The following MYO3A variants were observed in gnomAD, a reference collection of about 807,000 sequenced individuals.
The protein encoded by MYO3A is myosin-IIIa.
A neutral mutation model predicts 192.7 loss-of-function variants in MYO3A; 180 were observed. The observed-to-expected ratio is 0.93, with a 90% confidence interval of 0.83 to 1.06. The LOEUF is 1.06. Among genes scored for constraint, MYO3A ranks in the 50% least tolerant of loss-of-function variants. The probability of loss-of-function intolerance (pLI) is 0.00; values close to 1 mark genes in which losing one functional copy is unlikely to be tolerated. For missense variants in MYO3A, 1,896 were observed against 1,905.0 expected, an observed-to-expected ratio of 1.00 and a Z score of 0.09; for synonymous variants, 628 against 645.3, an observed-to-expected ratio of 0.97 and a Z score of 0.41.
intron 4 of MYO3A, among the ~76,000 whole-genome samples, chr10:25,984,640 G>T (rs113290102): frequency 2.0e-5 from 3 of 151,892 alleles, no homozygotes; most frequent in Admixed American, 2.0e-4. Flanking sequence ...ACCACTCCAC[G>T]TGTGTCTGTG....
chr10:26,038,376 C>T (rs1465443878), intron 10 of MYO3A, among the ~76,000 whole-genome samples: 1 of 152,116 alleles, frequency 6.6e-6, no homozygotes, highest in South Asian at 2.1e-4. Context: ...CCTTCAATTT[C>T]TTGGATCAGT....
chr10:26,107,828 C>G (rs1216694664), intron 17 of MYO3A, among the ~76,000 whole-genome samples: 1 of 152,058 alleles, frequency 6.6e-6, no homozygotes, highest in East Asian at 1.9e-4. Context: ...AAAGGCAAAA[C>G]CACAACAGCT....
At chr10:26,047,971 T>G (rs1393486537) in intron 10 of MYO3A, among the ~76,000 whole-genome samples, 1 of 152,178 alleles carries the variant, frequency 6.6e-6, no homozygotes, top group Non-Finnish European at 1.5e-5. Context: ...ACATTTTTAA[T>G]ACTCTAAATA....
chr10:25,979,789 G>A (rs1839201912), intron 4 of MYO3A, among the ~76,000 whole-genome samples: 1 of 152,070 alleles, frequency 6.6e-6, no homozygotes, highest in Non-Finnish European at 1.5e-5. Context: ...TAATTGTTGT[G>A]GGGGCCTTTC....
intron 34 of MYO3A, 120 bp from the exon 35 acceptor site, chr10:26,211,723 T>A: frequency 6.7e-7 from 1 of 1,496,420 alleles, no homozygotes; most frequent in South Asian, 1.2e-5. Context: ...ATTGTGCCTT[T>A]CCTAAATGTC....
At chr10:25,944,973 G>C (rs534173144) in intron 2 of MYO3A, among the ~76,000 whole-genome samples, 2 of 152,012 alleles carry the variant, frequency 1.3e-5, no homozygotes, top group South Asian at 4.1e-4. Context: ...AAAGTGTAAA[G>C]TTACGTCATT....
At chr10:25,946,877 CAAAAAAAAAAAAA>C (rs34045169) in intron 2 of MYO3A, among the ~76,000 whole-genome samples, 6 of 50,150 alleles carry the variant, frequency 1.2e-4, no homozygotes, top group Non-Finnish European at 1.3e-4. Context: ...GACTCCGTCT[CAAAAAAAAAAAAA>C]AAAAAAAAAA....
intron 4 of MYO3A, among the ~76,000 whole-genome samples, chr10:25,982,328 AAGGT>A (rs1446126743): frequency 6.6e-6 from 1 of 152,108 alleles, no homozygotes; most frequent in Non-Finnish European, 1.5e-5. Flanking sequence ...GCCAAAGAGG[AAGGT>A]CTTGGAAGAC....
At chr10:26,044,662 A>G (rs1843537551) in intron 10 of MYO3A, among the ~76,000 whole-genome samples, 2 of 152,200 alleles carry the variant, frequency 1.3e-5, no homozygotes, top group South Asian at 4.1e-4. Flanking sequence ...CAAAGCCTTA[A>G]TGATTGGAGG....
At chr10:26,168,031 G>T (rs1395412861) in intron 27 of MYO3A, among the ~76,000 whole-genome samples, 2 of 152,198 alleles carry the variant, frequency 1.3e-5, no homozygotes, top group Non-Finnish European at 2.9e-5. Flanking sequence ...CAAGCCTTCT[G>T]GCTCCTCCCT....
At chr10:25,937,343 T>C (rs872753) in intron 2 of MYO3A, among the ~76,000 whole-genome samples, 12,396 of 152,260 alleles carry the variant, frequency 0.081, 650 homozygotes, top group African/African-American at 0.14. Context: ...ACATTTGAGT[T>C]TGTGATTTCA....
At chr10:26,168,592 A>G in intron 27 of MYO3A, 120 bp from the exon 28 acceptor site, 1 of 1,037,908 alleles carries the variant, frequency 9.6e-7, no homozygotes, top group Non-Finnish European at 1.4e-6. Context: ...CAAAGAAGCA[A>G]AAGACAGTGA....
intron 10 of MYO3A, among the ~76,000 whole-genome samples, chr10:26,057,856 C>A (rs544200686): frequency 1.3e-5 from 2 of 152,274 alleles, no homozygotes; most frequent in Admixed American, 6.5e-5. Flanking sequence ...AAGTTCATAA[C>A]AAAATTGAGA....
intron 14 of MYO3A, 101 bp from the exon 15 acceptor site, chr10:26,088,101 AT>A (rs1424231328): frequency 2.2e-6 from 2 of 922,120 alleles, no homozygotes; most frequent in African/African-American, 3.4e-5. Flanking sequence ...ATGCTTTTGT[AT>A]GTTTATATCT....
At position 26,017,999 on chromosome 10, in the gene MYO3A, A is replaced by T. The variant is rs1842075874; in HGVS notation, c.585+1103A>T. ...GCATATATTAATATAATAATAAATA[A>T]TATTACATATAATATCATTATATAA... On this transcript the variant is annotated intron_variant, in intron 7 of 34. Transcript: ENST00000642920. 5.3e-5 allele frequency among the ~76,000 whole-genome samples: 8 copies of T among 149,672 alleles called. No homozygotes were observed. The South Asian group carries it at 1.7e-3, about 31-fold the overall frequency.
chr10:26,152,877 G>A (rs1157631882), intron 23 of MYO3A, among the ~76,000 whole-genome samples: 1 of 152,124 alleles, frequency 6.6e-6, no homozygotes, highest in Non-Finnish European at 1.5e-5. Context: ...CAGAGCAGAG[G>A]CCCTGCCAGG....
Position 26,067,032 on chromosome 10 carries a change from G to C in MYO3A, c.1011G>C (p.Leu337=), listed in dbSNP as rs1453472369. The C allele has an allele frequency of 6.2e-7, 1 of 1,613,062 alleles. No individual in the cohort carries two copies. The highest frequency in any genetic ancestry group is 2.2e-5 in the East Asian group (1 of 44,816). The change falls in exon 11 of 35, where the codon CTG becomes CTC. Residue 337 remains leucine, a synonymous_variant. Transcript: ENST00000642920. ...GNFNRPLISN[L]KDVDDLATLE... ...TCAACCGACCTCTAATATCCAATCT[G>C]AAGGATGTAGATGATTTAGCAACCC...
intron 2 of MYO3A, among the ~76,000 whole-genome samples, chr10:25,937,083 A>G (rs1836131050): frequency 6.6e-6 from 1 of 152,150 alleles, no homozygotes; most frequent in Non-Finnish European, 1.5e-5. Flanking sequence ...GTACTTTAAA[A>G]TAATTGATTT....
rs151288170 is a variant in MYO3A at position 26,173,579 on chromosome 10, G to A, written c.3399-84G>A. The A allele has an allele frequency of 1.7e-4, 210 of 1,268,626 alleles. 1 individual carries two copies. In the African/African-American group the frequency reaches 2.3e-3, roughly 14 times the overall value. The allele number at this position is 1,268,626 out of a possible 1,614,324, so 78.6% of individuals were successfully genotyped here. On this transcript the variant is annotated intron_variant, in intron 29 of 34. Coordinates refer to ENST00000642920, the MANE Select transcript of MYO3A (RefSeq NM_017433.5). Reference sequence around the variant, plus strand: ...TTGTTCCTTTTGCCTTTCTCCCACCGGTATCTAGCATATAACTATTGCCAA... The same window carrying A: ...TTGTTCCTTTTGCCTTTCTCCCACCAGTATCTAGCATATAACTATTGCCAA...
Sources: allele counts gnomAD v4.1 joint callset (sites outside exome capture counted in the v4.1 genomes callset), GRCh38; gene constraint gnomAD v4.1.1; transcripts MANE v1.5; gene names NCBI Gene and HGNC (gene_info 2026-07-23, HGNC 2026-07-21).